Variants in L3MBTL4 observed in about 807,000 individuals in gnomAD.
L3MBTL4 encodes the protein L3MBTL histone methyl-lysine binding protein 4, also known as lethal(3)malignant brain tumor-like protein 4.
A neutral mutation model predicts 84.5 loss-of-function variants in L3MBTL4; 70 were observed. The observed-to-expected ratio is 0.83, with a 90% CI of 0.68 to 1.01. The LOEUF is 1.01. Ranked by LOEUF, L3MBTL4 falls within the 50% of genes least tolerant of loss-of-function variation. The pLI is 0.00. For synonymous variants in L3MBTL4, 274 were observed against 259.8 expected (o/e 1.05, Z -0.52); for missense variants, 715 against 754.8 (o/e 0.95, Z 0.62).
rs535304250 is a variant in L3MBTL4 at position 6,337,092 on chromosome 18, A to G, written c.-90-25036T>C. ...TAACAAGTCAGTAGAACATATCCAA[A>G]CTAAACAGAGAGGAAGAATAAAAAG... On this transcript the variant is annotated intron_variant, in intron 1 of 18. Coordinates refer to ENST00000317931, the MANE Select transcript of L3MBTL4 (RefSeq NM_001330559.2). Among the ~76,000 whole-genome samples, 4 of 152,180 alleles carry G rather than the reference A, an allele frequency of 2.6e-5. 1 individual carries two copies. The highest frequency in any genetic ancestry group is 4.1e-4 in the South Asian group (2 of 4,830).
intron 16 of L3MBTL4, among the ~76,000 whole-genome samples, chr18:6,079,270 C>A (rs117947233): frequency 6.6e-6 from 1 of 152,152 alleles, no homozygotes; most frequent in Non-Finnish European, 1.5e-5. Flanking sequence ...TGAACCCCAC[C>A]TGCACTTCCC....
chr18:6,036,532 A>G (rs1456207030), intron 16 of L3MBTL4, among the ~76,000 whole-genome samples: 1 of 152,128 alleles, frequency 6.6e-6, no homozygotes, highest in East Asian at 1.9e-4. Flanking sequence ...GAGTTTCTCT[A>G]CATCTTCCCC....
At chr18:6,220,020 CG>C (rs2046484335) in intron 10 of L3MBTL4, among the ~76,000 whole-genome samples, 1 of 151,882 alleles carries the variant, frequency 6.6e-6, no homozygotes, top group South Asian at 2.1e-4. Context: ...AGGAACATAA[CG>C]AGACCTCACC....
chr18:6,099,585 A>AATATATATATATATATATATATAT (rs36091567), intron 14 of L3MBTL4, among the ~76,000 whole-genome samples: 1,238 of 64,496 alleles, frequency 0.019, 221 homozygotes, highest in Non-Finnish European at 0.034. Context: ...AGATAATGTA[A>AATATATATATATATATATATATAT]ATATATATAT....
chr18:6,071,753 GAAAGAAAA>G (rs796953947), intron 16 of L3MBTL4, among the ~76,000 whole-genome samples: 21 of 61,854 alleles, frequency 3.4e-4, no homozygotes, highest in South Asian at 1.1e-3. Context: ...AGGAAAGAAA[GAAAGAAAA>G]AAAGAAAGAA....
chr18:6,243,667 A>T (rs1237080567), intron 6 of L3MBTL4, among the ~76,000 whole-genome samples: 1 of 152,194 alleles, frequency 6.6e-6, no homozygotes. Context: ...CCTTTTACCC[A>T]ATCTAGGAAT....
chr18:6,290,082 G>A (rs967808056), intron 4 of L3MBTL4, among the ~76,000 whole-genome samples: 3 of 151,902 alleles, frequency 2.0e-5, no homozygotes, highest in South Asian at 2.1e-4. Context: ...CACCACACCC[G>A]GCTAATTTTG....
At chr18:6,039,107 GGTA>G (rs953109430) in intron 16 of L3MBTL4, among the ~76,000 whole-genome samples, 1 of 151,858 alleles carries the variant, frequency 6.6e-6, no homozygotes, top group Non-Finnish European at 1.5e-5. Flanking sequence ...ACAGACAGAT[GGTA>G]GTAGTCTACA....
chr18:6,032,359 G>T, intron 16 of L3MBTL4: 5 of 928,494 alleles, frequency 5.4e-6, no homozygotes, highest in Non-Finnish European at 5.1e-6. Context: ...ATCACTGAAT[G>T]GAATCTGCGT....
chr18:6,345,836 A>G (rs922384417), intron 1 of L3MBTL4, among the ~76,000 whole-genome samples: 1 of 152,096 alleles, frequency 6.6e-6, no homozygotes, highest in Non-Finnish European at 1.5e-5. Context: ...TAAAATTAAT[A>G]TGGAACCACA....
intron 1 of L3MBTL4, among the ~76,000 whole-genome samples, chr18:6,409,436 A>G (rs938671603): frequency 3.9e-5 from 6 of 152,226 alleles, no homozygotes; most frequent in Non-Finnish European, 8.8e-5. Flanking sequence ...GAAGGTCCCA[A>G]TATCAGCATC....
intron 16 of L3MBTL4, chr18:6,046,768 AG>A: frequency 1.3e-6 from 1 of 775,914 alleles, no homozygotes; most frequent in South Asian, 1.4e-5. Context: ...TGAAGAGAAA[AG>A]TTTATGACAT....
intron 17 of L3MBTL4, among the ~76,000 whole-genome samples, chr18:5,962,280 T>G (rs566813133): frequency 1.3e-5 from 2 of 152,300 alleles, no homozygotes; most frequent in East Asian, 3.9e-4. Context: ...AGAGGTTCAC[T>G]GTTGGATTCA....
chr18:6,063,299 C>CTGTGTGTGTGTGTG (rs61413638), intron 16 of L3MBTL4, among the ~76,000 whole-genome samples: 167 of 141,246 alleles, frequency 1.2e-3, no homozygotes, highest in African/African-American at 3.2e-3. Context: ...CTATAAATAT[C>CTGTGTGTGTGTGTG]TGTGTGTGTG....
chr18:5,966,912 CCCTGTGCTACTG>C (rs1314519734), intron 17 of L3MBTL4, among the ~76,000 whole-genome samples: 1 of 152,178 alleles, frequency 6.6e-6, no homozygotes, highest in African/African-American at 2.4e-5. Flanking sequence ...TGATCTACCT[CCCTGTGCTACTG>C]CCTGTGCCTT....
chr18:6,051,182 C>T (rs978907493), intron 16 of L3MBTL4, among the ~76,000 whole-genome samples: 5 of 152,130 alleles, frequency 3.3e-5, no homozygotes, highest in Non-Finnish European at 7.4e-5. Flanking sequence ...AAAATTCTGC[C>T]GACTCTGGGG....
At chr18:6,110,168 C>T (rs1355284848) in intron 14 of L3MBTL4, among the ~76,000 whole-genome samples, 1 of 152,202 alleles carries the variant, frequency 6.6e-6, no homozygotes, top group Non-Finnish European at 1.5e-5. Context: ...ACTCTAATGC[C>T]ATTTACATCT....
At chr18:6,154,035 G>A (rs780784053) in intron 13 of L3MBTL4, among the ~76,000 whole-genome samples, 51 of 152,172 alleles carry the variant, frequency 3.4e-4, no homozygotes, top group Non-Finnish European at 6.0e-4. Context: ...CCTTTCTAAT[G>A]TGAATGCCTT....
chr18:6,170,746 G>A (rs958294593), intron 13 of L3MBTL4, among the ~76,000 whole-genome samples: 32 of 152,062 alleles, frequency 2.1e-4, no homozygotes, highest in Non-Finnish European at 4.4e-4. Context: ...ATTGGGGGGG[G>A]TTCACATAAA....
Sources: allele counts gnomAD v4.1 joint callset (sites outside exome capture counted in the v4.1 genomes callset), GRCh38; gene constraint gnomAD v4.1.1; transcripts MANE v1.5; gene names NCBI Gene and HGNC (gene_info 2026-07-23, HGNC 2026-07-21).